Variants in NBR1 observed in about 807,000 individuals in gnomAD.
NBR1 encodes the protein next to BRCA1 gene 1 protein.
A neutral mutation model predicts 115.5 loss-of-function variants in NBR1; 59 were observed. The observed-to-expected ratio is 0.51, with a 90% confidence interval of 0.41 to 0.63. The LOEUF (loss-of-function observed/expected upper bound fraction) is 0.63, where lower values mean the gene tolerates loss of function less well. Among genes scored for constraint, NBR1 ranks in the 30% least tolerant of loss-of-function variants. The probability of loss-of-function intolerance (pLI) is 0.00; values close to 1 mark genes in which losing one functional copy is unlikely to be tolerated. For missense variants in NBR1, 1,043 were observed against 1,150.5 expected, an observed-to-expected ratio of 0.91 and a Z score of 1.35; for synonymous variants, 373 against 414.7, an observed-to-expected ratio of 0.90 and a Z score of 1.22.
chr17:43,207,591 T>A (rs1460213433), intron 20 of NBR1, among the ~76,000 whole-genome samples: 3 of 152,172 alleles, frequency 2.0e-5, no homozygotes, highest in African/African-American at 7.2e-5. Context: ...ACTCCTGGCC[T>A]CAAAACAATC....
chr17:43,208,948 C>G (rs1354367457), intron 20 of NBR1, among the ~76,000 whole-genome samples: 1 of 152,130 alleles, frequency 6.6e-6, no homozygotes, highest in East Asian at 1.9e-4. Flanking sequence ...GCCTGGGGAA[C>G]AGAGTGACAC....
chr17:43,201,376 A>G (rs1370717257), intron 17 of NBR1, among the ~76,000 whole-genome samples: 2 of 152,218 alleles, frequency 1.3e-5, no homozygotes, highest in South Asian at 4.1e-4. Context: ...AGTAGGGAAA[A>G]TGCTGGAGCC....
chr17:43,204,310 G>T (rs2057268913), intron 20 of NBR1, among the ~76,000 whole-genome samples: 1 of 152,046 alleles, frequency 6.6e-6, no homozygotes, highest in Non-Finnish European at 1.5e-5. Context: ...ATGTATTATT[G>T]ATGATCTATT....
intron 5 of NBR1, among the ~76,000 whole-genome samples, chr17:43,185,109 A>C (rs1001888312): frequency 2.1e-4 from 31 of 149,446 alleles, no homozygotes; most frequent in African/African-American, 6.8e-4. Flanking sequence ...AAAAAAAAAA[A>C]CAGAAAAATA....
At chr17:43,191,181 G>C (rs949745399) in intron 9 of NBR1, among the ~76,000 whole-genome samples, 191 bp from the exon 10 acceptor site, 21 of 152,116 alleles carry the variant, frequency 1.4e-4, no homozygotes, top group Admixed American at 5.2e-4. Context: ...TTGAGCCCAG[G>C]AATATGAGGT....
chr17:43,196,686 TA>T (rs2057075909), intron 15 of NBR1, 95 bp downstream of exon 15: 1 of 995,828 alleles, frequency 1.0e-6, no homozygotes, highest in Non-Finnish European at 1.5e-6. Context: ...CCTTAGCATG[TA>T]AATGGGCTTG....
intron 18 of NBR1, 111 bp from the exon 19 acceptor site, chr17:43,202,544 T>A: frequency 1.6e-6 from 1 of 642,174 alleles, no homozygotes. Context: ...AAAAAAGACT[T>A]CAAACACTGT....
intron 20 of NBR1, among the ~76,000 whole-genome samples, chr17:43,207,210 G>A (rs559117075): frequency 4.3e-4 from 65 of 152,332 alleles, no homozygotes; most frequent in African/African-American, 1.5e-3. Context: ...TATCCAGAGT[G>A]CAGCTGGATA....
chr17:43,192,953 A>G (rs112693602), intron 10 of NBR1, 141 bp from the exon 11 acceptor site: 25,029 of 722,336 alleles, frequency 0.035, 550 homozygotes, highest in Non-Finnish European at 0.045. Flanking sequence ...GTGGTCCTAT[A>G]CTAGTAATAT....
In NBR1 at chr17:43,189,651, G is replaced by C. The variant is rs117060970; in HGVS notation, c.544G>C (p.Val182Leu). 1.5e-3 allele frequency: 2,462 copies of C among 1,613,982 alleles called. 4 individuals are homozygous for C. The highest frequency in any genetic ancestry group is 2.0e-3 in the Non-Finnish European group (2,311 of 1,179,884). Residue 182 changes from valine to leucine, a missense_variant, in exon 8 of 21, where the codon GTC (valine) becomes CTC (leucine). Val to Leu is a conservative substitution (Grantham distance 32). Transcript: ENST00000590996. ...KLEQKLHEKL[V>L]LQNPSLGSCP... ...TGAACAGAAATTACATGAAAAGCTT[G>C]TCCTCCAGAACCCATCCTTGGGTTC...
At chr17:43,206,458 C>A (rs1407300765) in intron 20 of NBR1, among the ~76,000 whole-genome samples, 1 of 151,216 alleles carries the variant, frequency 6.6e-6, no homozygotes, top group Non-Finnish European at 1.5e-5. Context: ...GAGTTCAAGA[C>A]CAGCCTGGCC....
chr17:43,209,652 C>T, intron 20 of NBR1: 3 of 1,535,442 alleles, frequency 2.0e-6, no homozygotes, highest in Non-Finnish European at 2.6e-6. Context: ...AAGTACAGTT[C>T]ATTAGCTCCC....
chr17:43,173,027 C>T (rs542249431), intron 1 of NBR1, among the ~76,000 whole-genome samples: 8 of 152,102 alleles, frequency 5.3e-5, no homozygotes, highest in Non-Finnish European at 8.8e-5. Flanking sequence ...GGGGTTTCAC[C>T]GTGTTAGCCA....
chr17:43,204,298 G>T (rs2057268598), intron 20 of NBR1, among the ~76,000 whole-genome samples: 1 of 152,078 alleles, frequency 6.6e-6, no homozygotes, highest in Non-Finnish European at 1.5e-5. Context: ...GAAAAGAGAA[G>T]AATGTATTAT....
intron 3 of NBR1, among the ~76,000 whole-genome samples, chr17:43,178,684 CTT>C (rs2056589035): frequency 6.6e-6 from 1 of 151,368 alleles, no homozygotes; most frequent in Non-Finnish European, 1.5e-5. Flanking sequence ...GCCAAGATAA[CTT>C]TTAAAATTAT....
At chr17:43,208,565 T>G (rs1027387398) in intron 20 of NBR1, among the ~76,000 whole-genome samples, 5 of 152,162 alleles carry the variant, frequency 3.3e-5, no homozygotes, top group Non-Finnish European at 7.4e-5. Context: ...GCACAGTTGG[T>G]AAGTAAATGG....
intron 9 of NBR1, 65 bp downstream of exon 9, chr17:43,190,841 G>T: frequency 6.8e-7 from 1 of 1,473,136 alleles, no homozygotes; most frequent in South Asian, 1.4e-5. Context: ...GACAGGGTAT[G>T]AATCACAAAA....
At chr17:43,197,712 T>A (rs910247145) in intron 16 of NBR1, among the ~76,000 whole-genome samples, 14 of 152,130 alleles carry the variant, frequency 9.2e-5, no homozygotes, top group African/African-American at 3.1e-4. Context: ...CAGTAAGGAA[T>A]CTTCCTGTAA....
intron 5 of NBR1, among the ~76,000 whole-genome samples, chr17:43,182,577 G>A (rs1479935333): frequency 3.3e-5 from 5 of 151,222 alleles, no homozygotes; most frequent in Non-Finnish European, 7.4e-5. Flanking sequence ...AGAGATGACA[G>A]CCACTTTTTG....
Sources: gnomAD v4.1 joint callset for allele counts (sites outside exome capture counted in the v4.1 genomes callset) on GRCh38, gnomAD v4.1.1 for gene constraint, MANE v1.5 for transcripts, NCBI Gene and HGNC (gene_info 2026-07-23, HGNC 2026-07-21) for gene names.